Variants in FRMD5 observed in about 807,000 individuals in gnomAD.
FRMD5 encodes the protein FERM domain-containing protein 5.
A neutral mutation model predicts 69.0 loss-of-function variants in FRMD5; 20 were observed. The observed-to-expected ratio is 0.29, with a 90% confidence interval of 0.20 to 0.42. FRMD5 has a LOEUF of 0.42. FRMD5 is among the 10% of genes least tolerant of loss of function. The pLI is 1.00. For synonymous variants in FRMD5, 271 were observed against 260.1 expected (o/e 1.04, Z -0.40); for missense variants, 595 against 708.6 (o/e 0.84, Z 1.82).
At chr15:43,985,280 CAAA>C (rs34455065) in intron 1 of FRMD5, among the ~76,000 whole-genome samples, 925 of 77,214 alleles carry the variant, frequency 0.012, 6 homozygotes, top group African/African-American at 0.047. Flanking sequence ...GACTCCGTCT[CAAA>C]AAAAAAAAAA....
chr15:43,942,128 G>T (rs2089874239), intron 1 of FRMD5, among the ~76,000 whole-genome samples: 1 of 152,084 alleles, frequency 6.6e-6, no homozygotes, highest in South Asian at 2.1e-4. Flanking sequence ...TTTCATCTTT[G>T]GTTCTTCTGA....
At chr15:44,073,549 T>C (rs189608613) in intron 1 of FRMD5, among the ~76,000 whole-genome samples, 15 of 152,342 alleles carry the variant, frequency 9.8e-5, no homozygotes, top group Admixed American at 5.9e-4. Flanking sequence ...CAAAACATCA[T>C]GGACATAGGA....
intron 1 of FRMD5, among the ~76,000 whole-genome samples, chr15:44,085,551 A>G (rs1894162559): frequency 6.6e-6 from 1 of 152,190 alleles, no homozygotes; most frequent in Non-Finnish European, 1.5e-5. Flanking sequence ...TAGGATGCCA[A>G]TACTGGTCTT....
At chr15:43,990,339 T>A (rs766815292) in intron 1 of FRMD5, among the ~76,000 whole-genome samples, 1 of 152,214 alleles carries the variant, frequency 6.6e-6, no homozygotes, top group Non-Finnish European at 1.5e-5. Flanking sequence ...TATTTGCTTT[T>A]TGCAATAGTC....
intron 1 of FRMD5, among the ~76,000 whole-genome samples, chr15:44,080,750 C>T (rs1338405896): frequency 6.6e-6 from 1 of 152,070 alleles, no homozygotes; most frequent in Non-Finnish European, 1.5e-5. Flanking sequence ...TTTAACAGAA[C>T]AGGTAGGTCT....
At chr15:43,951,077 T>A (rs1380960298) in intron 1 of FRMD5, among the ~76,000 whole-genome samples, 2 of 152,202 alleles carry the variant, frequency 1.3e-5, no homozygotes, top group African/African-American at 4.8e-5. Flanking sequence ...ACATTTATCA[T>A]TTCTCTGTTT....
intron 2 of FRMD5, among the ~76,000 whole-genome samples, chr15:43,923,086 G>A (rs2089524798): frequency 6.6e-6 from 1 of 152,214 alleles, no homozygotes; most frequent in Non-Finnish European, 1.5e-5. Context: ...GGTAGATGAA[G>A]GGAAGTTATA....
chr15:44,181,053 T>C (rs1334079838), intron 1 of FRMD5, among the ~76,000 whole-genome samples: 1 of 152,158 alleles, frequency 6.6e-6, no homozygotes, highest in African/African-American at 2.4e-5. Context: ...ACTTTTTTTA[T>C]TTTTAAGACC....
At chr15:44,017,078 C>A (rs1310735617) in intron 1 of FRMD5, among the ~76,000 whole-genome samples, 2 of 151,974 alleles carry the variant, frequency 1.3e-5, no homozygotes, top group Non-Finnish European at 2.9e-5. Flanking sequence ...GTGGCTCACA[C>A]CTGTAATCCT....
chr15:44,109,077 T>C (rs180713337), intron 1 of FRMD5, among the ~76,000 whole-genome samples: 71 of 152,250 alleles, frequency 4.7e-4, no homozygotes, highest in African/African-American at 1.7e-3. Flanking sequence ...CGGCCCATAA[T>C]ATGTACTCAA....
intron 1 of FRMD5, among the ~76,000 whole-genome samples, chr15:43,947,720 G>C (rs1225438898): frequency 7.2e-5 from 11 of 152,184 alleles, no homozygotes; most frequent in Non-Finnish European, 2.9e-5. Context: ...ATCAGACAGA[G>C]TGTGTAGAGG....
chr15:43,949,106 C>A (rs2089989238), intron 1 of FRMD5, among the ~76,000 whole-genome samples: 1 of 152,236 alleles, frequency 6.6e-6, no homozygotes, highest in Non-Finnish European at 1.5e-5. Flanking sequence ...TAGGCAAAGC[C>A]TGCAGGGAAA....
intron 1 of FRMD5, among the ~76,000 whole-genome samples, chr15:44,175,731 T>C (rs1019580035): frequency 3.3e-5 from 5 of 152,254 alleles, no homozygotes; most frequent in Middle Eastern, 3.4e-3. Flanking sequence ...AATGGGTTAA[T>C]AGATGAACAA....
chr15:44,078,105 G>C (rs1343423921), intron 1 of FRMD5, among the ~76,000 whole-genome samples: 1 of 152,086 alleles, frequency 6.6e-6, no homozygotes, highest in African/African-American at 2.4e-5. Flanking sequence ...TTTGCTAAAG[G>C]CAAATGCTGA....
chr15:43,916,779 A>ATT (rs10673261), intron 4 of FRMD5, among the ~76,000 whole-genome samples: 352 of 139,698 alleles, frequency 2.5e-3, no homozygotes, highest in African/African-American at 6.7e-3. Flanking sequence ...ACAAAATTGT[A>ATT]TTTTTTTTTT....
In FRMD5 at chr15:44,145,496, G is replaced by T. The variant is rs540880094; in HGVS notation, c.102+49457C>A. On this transcript the variant is annotated intron_variant, in intron 1 of 13. Transcript: ENST00000417257. Reference sequence around the variant, plus strand: ...GAAAGTTTAGAGGAAGAGGATTTGGGGTTCTAAACTAAGGTTTGACAGGAA... The same window carrying T: ...GAAAGTTTAGAGGAAGAGGATTTGGTGTTCTAAACTAAGGTTTGACAGGAA... 2.0e-5 allele frequency among the ~76,000 whole-genome samples: 3 copies of T among 152,200 alleles called. No homozygotes were observed. The South Asian group carries it at 6.2e-4, about 32-fold the overall frequency.
intron 8 of FRMD5, among the ~76,000 whole-genome samples, chr15:43,891,168 C>T (rs932344608): frequency 3.3e-5 from 5 of 152,162 alleles, no homozygotes. Context: ...GTTTTGATGA[C>T]GCTGACAGAT....
At chr15:44,068,298 T>C (rs887023441) in intron 1 of FRMD5, among the ~76,000 whole-genome samples, 4 of 152,182 alleles carry the variant, frequency 2.6e-5, no homozygotes, top group African/African-American at 9.7e-5. Context: ...CAAATGTTCA[T>C]AGCAGCATTA....
intron 1 of FRMD5, among the ~76,000 whole-genome samples, chr15:44,011,335 G>A (rs183770046): frequency 1.1e-4 from 16 of 152,258 alleles, no homozygotes; most frequent in Admixed American, 8.5e-4. Context: ...TTGAGAGACA[G>A]AGCCAACAGA....
Sources: allele counts gnomAD v4.1 joint callset (sites outside exome capture counted in the v4.1 genomes callset), GRCh38; gene constraint gnomAD v4.1.1; transcripts MANE v1.5; gene names NCBI Gene and HGNC (gene_info 2026-07-23, HGNC 2026-07-21).